The following WASF2 variants were observed in gnomAD, a reference collection of about 807,000 sequenced individuals.
WASF2 encodes the protein WASP family member 2.
In WASF2, 14 loss-of-function variants were observed where a neutral mutation model predicts 45.0. The observed-to-expected ratio is 0.31, with a 90% CI of 0.21 to 0.49. WASF2 has a LOEUF of 0.49. Among genes scored for constraint, WASF2 ranks in the 20% least tolerant of loss-of-function variants. The probability of loss-of-function intolerance (pLI) is 0.99; values close to 1 mark genes in which losing one functional copy is unlikely to be tolerated. For synonymous variants in WASF2, 200 were observed against 236.3 expected, an observed-to-expected ratio of 0.85 and a Z score of 1.41; for missense variants, 439 against 636.1, an observed-to-expected ratio of 0.69 and a Z score of 3.33.
At chr1:27,416,600 G>C (rs565979718) in intron 4 of WASF2, among the ~76,000 whole-genome samples, 1 of 152,284 alleles carries the variant, frequency 6.6e-6, no homozygotes, top group South Asian at 2.1e-4. Context: ...AAAAGTGTGT[G>C]GTTTACAGCT....
At chr1:27,409,665 A>G (rs1387188710) in intron 8 of WASF2, 27 bp downstream of exon 8, 2 of 1,435,746 alleles carry the variant, frequency 1.4e-6, no homozygotes, top group East Asian at 2.5e-5. Context: ...AAGGCTCCAC[A>G]GTCCCAAACC....
intron 1 of WASF2, among the ~76,000 whole-genome samples, chr1:27,462,419 TA>T (rs573481582): frequency 3.2e-4 from 49 of 152,312 alleles, no homozygotes; most frequent in African/African-American, 1.1e-3. Context: ...TATTATTATC[TA>T]ATGTAAAGTT....
intron 8 of WASF2, among the ~76,000 whole-genome samples, chr1:27,408,850 GA>G (rs2016715567): frequency 6.6e-6 from 1 of 151,944 alleles, no homozygotes; most frequent in Admixed American, 6.6e-5. Context: ...GGGAAGAGGA[GA>G]AAAGAGGAGA....
chr1:27,452,358 CA>C (rs1349852501), intron 1 of WASF2, among the ~76,000 whole-genome samples: 1 of 151,972 alleles, frequency 6.6e-6, no homozygotes, highest in South Asian at 2.1e-4. Flanking sequence ...ACTAAAAATA[CA>C]AAAATTAGCT....
chr1:27,421,688 C>T (rs1358112773), intron 2 of WASF2, among the ~76,000 whole-genome samples: 1 of 152,050 alleles, frequency 6.6e-6, no homozygotes, highest in Non-Finnish European at 1.5e-5. Flanking sequence ...TGGTGGCAGG[C>T]GCCTGTAATC....
chr1:27,463,622 CAAAA>C (rs998488815), intron 1 of WASF2, among the ~76,000 whole-genome samples: 2 of 41,866 alleles, frequency 4.8e-5, no homozygotes, highest in South Asian at 1.7e-3. Flanking sequence ...GACTCTGTCT[CAAAA>C]AAAAAAAAAA....
At chr1:27,483,440 G>A (rs985299897) in intron 1 of WASF2, among the ~76,000 whole-genome samples, 3 of 151,702 alleles carry the variant, frequency 2.0e-5, no homozygotes, top group African/African-American at 7.3e-5. Context: ...CATTGTTCTA[G>A]CCTGGGCAGC....
At chr1:27,434,884 A>AT (rs1217305313) in intron 1 of WASF2, among the ~76,000 whole-genome samples, 3 of 152,160 alleles carry the variant, frequency 2.0e-5, no homozygotes, top group African/African-American at 7.2e-5. Context: ...TGGAAACTGG[A>AT]TGAGGCCCTT....
chr1:27,487,983 G>C (rs1277547168), intron 1 of WASF2, among the ~76,000 whole-genome samples: 5 of 151,676 alleles, frequency 3.3e-5, no homozygotes, highest in Admixed American at 6.6e-5. Context: ...TTCTATGAAA[G>C]TAGAGCCTGG....
chr1:27,453,618 C>T (rs1408759571), intron 1 of WASF2, among the ~76,000 whole-genome samples: 44 of 122,550 alleles, frequency 3.6e-4, no homozygotes, highest in African/African-American at 1.2e-3. Flanking sequence ...AAGGGCCAAG[C>T]GCGGTGGCTC....
At chr1:27,467,234 C>G (rs1322824650) in intron 1 of WASF2, among the ~76,000 whole-genome samples, 3 of 144,906 alleles carry the variant, frequency 2.1e-5, no homozygotes, top group Non-Finnish European at 4.5e-5. Flanking sequence ...AAAAAAAAAC[C>G]AAAACACACA....
intron 1 of WASF2, among the ~76,000 whole-genome samples, chr1:27,460,304 A>T (rs2017527120): frequency 6.6e-6 from 1 of 152,180 alleles, no homozygotes; most frequent in African/African-American, 2.4e-5. Flanking sequence ...TTGACAAAGA[A>T]TATTTCCTGA....
chr1:27,441,697 T>G (rs1234399122), intron 1 of WASF2, among the ~76,000 whole-genome samples: 1 of 132,886 alleles, frequency 7.5e-6, no homozygotes, highest in Non-Finnish European at 1.5e-5. Flanking sequence ...GAGCTTGCAG[T>G]GAGCCGAGAT....
At chr1:27,409,341 C>A (rs1010838103) in intron 8 of WASF2, among the ~76,000 whole-genome samples, 1 of 137,844 alleles carries the variant, frequency 7.3e-6, no homozygotes, top group African/African-American at 2.7e-5. Context: ...AGGAGAATGG[C>A]GTGAACCCGG....
At chr1:27,489,252 GCACACACACACACA>G (rs60315426) in intron 1 of WASF2, among the ~76,000 whole-genome samples, 8 of 80,292 alleles carry the variant, frequency 1.0e-4, no homozygotes, top group Non-Finnish European at 9.4e-5. Flanking sequence ...CTGTACGCGC[GCACACACACACACA>G]CACACACACA....
chr1:27,438,087 G>C (rs1158835103), intron 1 of WASF2, among the ~76,000 whole-genome samples: 1 of 152,170 alleles, frequency 6.6e-6, no homozygotes, highest in Non-Finnish European at 1.5e-5. Context: ...TAAGAGGACA[G>C]ATACAAAATG....
intron 1 of WASF2, among the ~76,000 whole-genome samples, chr1:27,489,735 GACACTCAT>G (rs1300072284): frequency 9.2e-5 from 14 of 152,222 alleles, no homozygotes; most frequent in Non-Finnish European, 1.5e-5. Flanking sequence ...GTCAGGCCGG[GACACTCAT>G]AGTCCCTCAG....
chr1:27,441,753 CAAAAAAAAAAA>C, intron 1 of WASF2, among the ~76,000 whole-genome samples: 1 of 51,672 alleles, frequency 1.9e-5, no homozygotes, highest in East Asian at 5.4e-4. Context: ...GACTCCGTCT[CAAAAAAAAAAA>C]AAAAAAAAAA....
At chr1:27,430,958 C>A (rs563990921) in intron 1 of WASF2, among the ~76,000 whole-genome samples, 51 of 152,156 alleles carry the variant, frequency 3.4e-4, no homozygotes, top group African/African-American at 1.1e-3. Flanking sequence ...AAAAAAAAAT[C>A]TTTCAGGCTC....
Sources: gnomAD v4.1 joint callset for allele counts (sites outside exome capture counted in the v4.1 genomes callset) on GRCh38, gnomAD v4.1.1 for gene constraint, MANE v1.5 for transcripts, NCBI Gene and HGNC (gene_info 2026-07-23, HGNC 2026-07-21) for gene names.